Variants in SEC13 observed in about 807,000 individuals in gnomAD.
The protein encoded by SEC13 is SEC13 homolog, nuclear pore and COPII component.
A neutral mutation model predicts 49.2 loss-of-function variants in SEC13; 25 were observed. The observed-to-expected ratio is 0.51, with a 90% confidence interval of 0.37 to 0.71. SEC13 has a LOEUF of 0.71. SEC13 is among the 30% of genes least tolerant of loss of function. SEC13 has a pLI of 0.00. For missense variants in SEC13, 383 were observed against 417.6 expected, an observed-to-expected ratio of 0.92 and a Z score of 0.72; for synonymous variants, 148 against 163.9, an observed-to-expected ratio of 0.90 and a Z score of 0.74.
rs762608464 is a variant in SEC13 at position 10,321,103 on chromosome 3, G to C, written c.-51C>G. ...CTCGGACGTGGCAGCTCCCGGCGGCGCCTCGGAACAGCTCACTTCCGGCGC... is the reference window on the plus strand; with the variant it reads ...CTCGGACGTGGCAGCTCCCGGCGGCCCCTCGGAACAGCTCACTTCCGGCGC... On this transcript the variant is annotated 5_prime_UTR_variant, in exon 1 of 9. Transcript: ENST00000350697. This position sits in a 1 kb window ranked among gnomAD's most constrained non-coding sequence, Gnocchi z 4.1. 5 of 1,611,798 alleles carry C rather than the reference G, an allele frequency of 3.1e-6. No homozygotes were observed. The highest frequency in any genetic ancestry group is 1.1e-5 in the South Asian group (1 of 90,656).
intron 5 of SEC13, among the ~76,000 whole-genome samples, chr3:10,309,746 T>C (rs1701133096): frequency 6.6e-6 from 1 of 152,262 alleles, no homozygotes; most frequent in Non-Finnish European, 1.5e-5. Flanking sequence ...TTGTTTCTTA[T>C]ATAACAACTG....
chr3:10,304,450 A>C (rs1404420731), intron 7 of SEC13, among the ~76,000 whole-genome samples: 1 of 152,146 alleles, frequency 6.6e-6, no homozygotes, highest in East Asian at 1.9e-4. Flanking sequence ...ATGCCTGCCA[A>C]GTCACTTCCA....
intron 7 of SEC13, 144 bp from the exon 8 acceptor site, chr3:10,304,316 G>A (rs1269442246): frequency 2.2e-5 from 16 of 712,912 alleles, no homozygotes; most frequent in South Asian, 7.0e-5. Flanking sequence ...CCTCTGGGGC[G>A]TCCACAGCTT....
chr3:10,302,339 G>A (rs561445475), intron 8 of SEC13, among the ~76,000 whole-genome samples: 40 of 152,260 alleles, frequency 2.6e-4, no homozygotes, highest in African/African-American at 9.1e-4. Flanking sequence ...TCTTGCTTTA[G>A]GGACAAACTA....
intron 2 of SEC13, 63 bp from the exon 3 acceptor site, chr3:10,315,499 C>G: frequency 1.3e-6 from 1 of 744,768 alleles, no homozygotes. Context: ...GGGGTGAGGG[C>G]TGTCACTACA....
chr3:10,302,518 C>G (rs1700601865), intron 8 of SEC13, among the ~76,000 whole-genome samples: 1 of 152,206 alleles, frequency 6.6e-6, no homozygotes, highest in Admixed American at 6.5e-5. Flanking sequence ...CACTTGCTTA[C>G]AGCCTTGTAA....
intron 3 of SEC13, chr3:10,313,248 AAC>A (rs1025825661): frequency 7.9e-5 from 20 of 253,606 alleles, no homozygotes; most frequent in South Asian, 5.9e-4. Flanking sequence ...TTCACCTGAT[AAC>A]AGGTGCTATC....
chr3:10,312,499 G>C, intron 4 of SEC13, 80 bp downstream of exon 4: 1 of 1,526,674 alleles, frequency 6.6e-7, no homozygotes. Context: ...CGAGGGGCAG[G>C]GAGCCAGGGC....
chr3:10,312,813 C>T (rs1701364759), intron 3 of SEC13, 83 bp from the exon 4 acceptor site: 19 of 1,370,784 alleles, frequency 1.4e-5, no homozygotes, highest in East Asian at 4.6e-5. Flanking sequence ...CTCCCTGAGA[C>T]GATATATCAG....
Position 10,305,632 on chromosome 3 carries a change from G to T in SEC13, c.511C>A (p.Pro171Thr). The T allele has an allele frequency of 6.2e-7, 1 of 1,614,204 alleles. No homozygotes were observed. Among genetic ancestry groups the T allele is most frequent in the Non-Finnish European group, 8.5e-7 (1 of 1,180,026 alleles). ...ATGTAATTGGGTTTCTGCCCCGATG[G>T]GTGGTCTATGAGGCTTCCAGGTACA... ...AVVPGSLIDH[P>T]SGQKPNYIKR... Residue 171 changes from proline to threonine, a missense_variant, in exon 6 of 9, where the codon CCA becomes ACA. Coordinates refer to ENST00000350697, the MANE Select transcript of SEC13 (RefSeq NM_183352.3).
chr3:10,305,199 C>A, intron 6 of SEC13, 43 bp from the exon 7 acceptor site: 1 of 1,568,972 alleles, frequency 6.4e-7, no homozygotes, highest in Non-Finnish European at 8.7e-7. Flanking sequence ...GGGCCGTTCC[C>A]ACACCTCAAC....
chr3:10,317,018 A>AG (rs957465089), intron 2 of SEC13, among the ~76,000 whole-genome samples: 9 of 151,540 alleles, frequency 5.9e-5, no homozygotes, highest in African/African-American at 2.2e-4. Flanking sequence ...AAAAAAAAAA[A>AG]AAAAGAAAAG....
intron 5 of SEC13, among the ~76,000 whole-genome samples, chr3:10,307,090 C>G (rs143893504): frequency 8.4e-4 from 128 of 151,976 alleles, no homozygotes; most frequent in African/African-American, 3.0e-3. Context: ...GTCTCACTGT[C>G]ACCCAGGCTA....
Position 10,305,617 on chromosome 3 carries a change from G to GAAA in SEC13, c.525_526insTTT (p.Lys175_Pro176insPhe). ...GATGCAAACCTCTTGATGTAATTGG[G>GAAA]TTTCTGCCCCGATGGGTGGTCTATG... On this transcript the variant is annotated inframe_insertion, in exon 6 of 9. Coordinates refer to ENST00000350697, the MANE Select transcript of SEC13 (RefSeq NM_183352.3). The GAAA allele has an allele frequency of 6.2e-7, 1 of 1,614,200 alleles. No individual in the cohort carries two copies. The highest frequency in any genetic ancestry group is 8.5e-7 in the Non-Finnish European group (1 of 1,180,038).
At chr3:10,309,778 C>G (rs1050286860) in intron 5 of SEC13, among the ~76,000 whole-genome samples, 1 of 152,158 alleles carries the variant, frequency 6.6e-6, no homozygotes, top group Admixed American at 6.6e-5. Flanking sequence ...ACTTCAAATA[C>G]TTTTCTGTTA....
At chr3:10,302,691 G>A (rs942054698) in intron 8 of SEC13, among the ~76,000 whole-genome samples, 3 of 152,120 alleles carry the variant, frequency 2.0e-5, no homozygotes, top group South Asian at 2.1e-4. Flanking sequence ...AGGGACCCTC[G>A]GCCAGAAAAG....
chr3:10,319,072 C>T (rs2059716051), intron 1 of SEC13: 2 of 1,418,584 alleles, frequency 1.4e-6, no homozygotes, highest in Admixed American at 2.3e-5. Flanking sequence ...AACCACTCTT[C>T]TCTTAAATTC....
chr3:10,301,429 T>TC, intron 8 of SEC13, 55 bp from the exon 9 acceptor site: 1 of 1,607,652 alleles, frequency 6.2e-7, no homozygotes, highest in African/African-American at 1.3e-5. Flanking sequence ...CCCTCTGCTG[T>TC]CCCCTAAATA....
chr3:10,312,848 A>T, intron 3 of SEC13, 118 bp from the exon 4 acceptor site: 1 of 1,002,770 alleles, frequency 1.0e-6, no homozygotes, highest in East Asian at 2.5e-5. Context: ...AGAACTTCAA[A>T]GGGAGAACTA....
Sources: allele counts gnomAD v4.1 joint callset (sites outside exome capture counted in the v4.1 genomes callset), GRCh38; gene constraint gnomAD v4.1.1; non-coding constraint Gnocchi (gnomAD v3.1); transcripts MANE v1.5; gene names NCBI Gene and HGNC (gene_info 2026-07-23, HGNC 2026-07-21).